LSG1: variants seen among roughly 807,000 people sequenced by gnomAD.
LSG1 encodes the protein large 60S subunit nuclear export GTPase 1, also known as large subunit GTPase 1 homolog.
Under a neutral mutation model 82.6 loss-of-function variants are expected in LSG1, and 55 were observed. The ratio of observed to expected loss-of-function variants is 0.67; its 90% CI spans 0.54 to 0.83. The LOEUF (loss-of-function observed/expected upper bound fraction) is 0.83. Among genes scored for constraint, LSG1 ranks in the 40% least tolerant of loss-of-function variants. The pLI is 0.00. For synonymous variants in LSG1, 272 were observed against 282.5 expected, an observed-to-expected ratio of 0.96 and a Z score of 0.37; for missense variants, 809 against 807.9, an observed-to-expected ratio of 1.00 and a Z score of -0.02.
intron 2 of LSG1, among the ~76,000 whole-genome samples, chr3:194,667,174 C>A (rs987735504): frequency 1.3e-5 from 2 of 152,122 alleles, no homozygotes; most frequent in Admixed American, 1.3e-4. Flanking sequence ...ACTCAGCCTC[C>A]TGAGTAGCTG....
chr3:194,667,942 A>AAAAAAAAAAAATATATAT (rs1416407494), intron 2 of LSG1, among the ~76,000 whole-genome samples: 1 of 86,962 alleles, frequency 1.1e-5, no homozygotes, highest in South Asian at 4.2e-4. Context: ...AAAAAAAAAA[A>AAAAAAAAAAAATATATAT]ATATATATAT....
chr3:194,655,083 A>C (rs2108618169), intron 7 of LSG1, among the ~76,000 whole-genome samples: 1 of 152,336 alleles, frequency 6.6e-6, no homozygotes, highest in East Asian at 1.9e-4. Flanking sequence ...AAATCATGGA[A>C]AACAGCAGAG....
chr3:194,650,496 G>C (rs1376262305), intron 10 of LSG1, among the ~76,000 whole-genome samples: 2 of 152,220 alleles, frequency 1.3e-5, no homozygotes, highest in African/African-American at 2.4e-5. Context: ...CACATAGCAA[G>C]TATTCAATAT....
rs149964179 is a variant in LSG1 at position 194,653,022 on chromosome 3, G to A, written c.880C>T (p.Leu294Phe). 2.9e-5 allele frequency: 47 copies of A among 1,614,052 alleles called. No individual in the cohort carries two copies. The African/African-American group carries it at 5.3e-4, about 18-fold the overall frequency. The change falls in exon 8 of 14, where the codon CTT becomes TTT. Residue 294 changes from leucine (L) to phenylalanine (F), a missense_variant. Transcript: ENST00000265245. ...TCATCCGTTGTGGGATTTTCACTAA[G>A]TGAAGGAGAATCCCTAGCTGGGAGA... is the stretch of plus-strand genomic sequence containing the variant. ...EHLPARDSPSLSENPTTDEDD... is the reference protein window; with the variant it reads ...EHLPARDSPSFSENPTTDEDD...
At chr3:194,669,133 T>C (rs759966487) in intron 2 of LSG1, among the ~76,000 whole-genome samples, 2 of 152,226 alleles carry the variant, frequency 1.3e-5, no homozygotes, top group Non-Finnish European at 2.9e-5. Context: ...CTGGTGTCCA[T>C]AGTTAATAAT....
intron 4 of LSG1, 151 bp from the exon 5 acceptor site, chr3:194,665,794 T>C (rs1354333679): frequency 5.3e-6 from 3 of 568,436 alleles, no homozygotes; most frequent in Non-Finnish European, 6.2e-6. Flanking sequence ...TGAGACACCA[T>C]AAAAATACTA....
At chr3:194,649,000 C>T (rs370033267) in intron 10 of LSG1, 196 bp from the exon 11 acceptor site, 12 of 487,072 alleles carry the variant, frequency 2.5e-5, no homozygotes, top group East Asian at 3.8e-5. Flanking sequence ...TAAGCTCCCA[C>T]GACTTTTCCA....
intron 13 of LSG1, among the ~76,000 whole-genome samples, chr3:194,643,951 A>G (rs1718452308): frequency 6.6e-6 from 1 of 152,234 alleles, no homozygotes; most frequent in African/African-American, 2.4e-5. Context: ...TGTCACGAAG[A>G]GCACACAGTA....
At chr3:194,666,070 C>T (rs759221874) in intron 4 of LSG1, 133 bp downstream of exon 4, 12 of 753,714 alleles carry the variant, frequency 1.6e-5, no homozygotes, top group Non-Finnish European at 2.7e-5. Context: ...CATCTATTTG[C>T]ACTTGTTAGC....
chr3:194,672,004 G>T, intron 1 of LSG1, 60 bp downstream of exon 1: 1 of 1,509,798 alleles, frequency 6.6e-7, no homozygotes, highest in Non-Finnish European at 9.2e-7. Flanking sequence ...TTTTGACCCC[G>T]AATTTTGCAG....
intron 2 of LSG1, among the ~76,000 whole-genome samples, chr3:194,667,942 A>AAAAAT (rs1416407494): frequency 2.3e-5 from 2 of 86,968 alleles, no homozygotes; most frequent in East Asian, 4.2e-4. Flanking sequence ...AAAAAAAAAA[A>AAAAAT]ATATATATAT....
chr3:194,656,061 T>C (rs920586895), intron 7 of LSG1, among the ~76,000 whole-genome samples: 11 of 152,100 alleles, frequency 7.2e-5, no homozygotes, highest in African/African-American at 1.7e-4. Context: ...GAAGAAAACC[T>C]AGGCAATACC....
In LSG1 at chr3:194,645,557, CACACACACACACAGACAG is replaced by C. The variant is rs1560219776; in HGVS notation, c.1623+589_1623+606del. On this transcript the variant is annotated intron_variant, in intron 12 of 13. Transcript: ENST00000265245. ...ACAGACACACACACACACACACACACACACACACACACAGACAGACACACACACACACACACACACACA... is the reference window on the plus strand; with the variant it reads ...ACAGACACACACACACACACACACACACACACACACACACACACACACACA... Among the ~76,000 whole-genome samples the C allele has an allele frequency of 1.5e-3, 82 of 55,948 alleles. 6 individuals carry two copies. The highest frequency in any genetic ancestry group is 7.9e-3 in the East Asian group (10 of 1,266). 36.7% of individuals were successfully genotyped at this position (55,948 alleles called of 152,430 possible).
chr3:194,650,963 A>G lies in LSG1; in HGVS notation c.1337T>C (p.Phe446Ser), dbSNP rs1342239524. The change falls in exon 10 of 14, where the codon TTT (phenylalanine) becomes TCT (serine). Residue 446 changes from phenylalanine to serine, a missense_variant. By Grantham distance (155) the Phe-to-Ser change is radical. Coordinates refer to ENST00000265245, the MANE Select transcript of LSG1 (RefSeq NM_018385.3). ...AGTCATTTCTGCCTTGGTAGACACA[A>G]AAGATGGCATCACCAAGCCAGGACA... ...CDCPGLVMPS[F>S]VSTKAEMTCS... The G allele has an allele frequency of 6.2e-7, 1 of 1,614,242 alleles. No individual in the cohort carries two copies. Among genetic ancestry groups the G allele is most frequent in the Non-Finnish European group, 8.5e-7 (1 of 1,180,042 alleles).
At chr3:194,645,525 C>CACAG (rs1718510256) in intron 12 of LSG1, 4 of 40,676 alleles carry the variant, frequency 9.8e-5, no homozygotes, top group African/African-American at 2.5e-4. Flanking sequence ...CACACACACA[C>CACAG]ACACAGACAG....
chr3:194,647,374 G>A (rs1024482217), intron 11 of LSG1, among the ~76,000 whole-genome samples: 2 of 152,196 alleles, frequency 1.3e-5, no homozygotes, highest in Non-Finnish European at 2.9e-5. Flanking sequence ...ACAGAACCAT[G>A]TATAGGAAAA....
chr3:194,656,352 C>T (rs1284210978), intron 7 of LSG1, among the ~76,000 whole-genome samples: 2 of 151,240 alleles, frequency 1.3e-5, no homozygotes, highest in Non-Finnish European at 3.0e-5. Context: ...TGAACAGACA[C>T]TTCTCAAAAG....
chr3:194,645,521 C>CACACACAG (rs1718509321), intron 12 of LSG1: 2 of 48,338 alleles, frequency 4.1e-5, no homozygotes, highest in African/African-American at 1.3e-4. Flanking sequence ...CACACACACA[C>CACACACAG]ACACACACAG....
chr3:194,655,844 C>A lies in LSG1; in HGVS notation c.760-2702G>T, dbSNP rs192023163. 1.7e-3 allele frequency among the ~76,000 whole-genome samples: 266 copies of A among 152,188 alleles called. 3 individuals carry two copies. The highest frequency in any genetic ancestry group is 5.9e-3 in the African/African-American group (246 of 41,508). ...CAGAACAGAGCCCTCAGAAATAATG[C>A]CACACATCTACAATTATCTGATCTT... On this transcript the variant is annotated intron_variant, in intron 7 of 13. Coordinates refer to ENST00000265245, the MANE Select transcript of LSG1 (RefSeq NM_018385.3).
Sources: allele counts gnomAD v4.1 joint callset (sites outside exome capture counted in the v4.1 genomes callset), GRCh38; gene constraint gnomAD v4.1.1; transcripts MANE v1.5; gene names NCBI Gene and HGNC (gene_info 2026-07-23, HGNC 2026-07-21).